ANXA4: variants seen among roughly 807,000 people sequenced by gnomAD.
ANXA4 encodes 35-beta calcimedin.
A neutral mutation model predicts 49.8 loss-of-function variants in ANXA4; 39 were observed. That is an observed-to-expected ratio of 0.78 (90% confidence interval 0.61 to 1.02). The LOEUF (loss-of-function observed/expected upper bound fraction) is 1.02, where lower values mean the gene tolerates loss of function less well. Among genes scored for constraint, ANXA4 ranks in the 50% least tolerant of loss-of-function variants. ANXA4 has a pLI of 0.00. For synonymous variants in ANXA4, 134 were observed against 152.5 expected (o/e 0.88, Z 0.89); for missense variants, 360 against 410.1 (o/e 0.88, Z 1.05).
chr2:69,694,315 CA>C lies in ANXA4; in HGVS notation n.767-26458del, dbSNP rs202212726. Reference sequence around the variant, plus strand: ...CAGAAAGTAAGCCCTCACCAGATACCACATCCGTTGGTGCCTTGACTTTGAT... The same window carrying C: ...CAGAAAGTAAGCCCTCACCAGATACCCATCCGTTGGTGCCTTGACTTTGAT... On this transcript the variant is annotated intron_variant and non_coding_transcript_variant, in intron 2 of 3. Coordinates refer to the ANXA4 transcript ENST00000418066. Among the ~76,000 whole-genome samples the C allele has an allele frequency of 6.4e-3, 964 of 151,586 alleles. 10 individuals are homozygous for C. Among genetic ancestry groups the C allele is most frequent in the African/African-American group, 0.022 (921 of 41,352 alleles).
chr2:69,702,477 C>T (rs1175998055), intron 2 of ANXA4, among the ~76,000 whole-genome samples: 3 of 152,062 alleles, frequency 2.0e-5, no homozygotes, highest in Non-Finnish European at 4.4e-5. Context: ...AATCCCAGCA[C>T]TTGGGAGGCG....
intron 2 of ANXA4, among the ~76,000 whole-genome samples, chr2:69,701,604 A>G (rs889108322): frequency 1.3e-5 from 2 of 152,198 alleles, no homozygotes; most frequent in Admixed American, 6.5e-5. Flanking sequence ...AAATTTGCAG[A>G]CAGATATGCT....
intron 7 of ANXA4, among the ~76,000 whole-genome samples, chr2:69,812,334 G>C (rs1184778990): frequency 2.6e-5 from 4 of 152,056 alleles, no homozygotes; most frequent in African/African-American, 9.7e-5. Context: ...TGAGTCAGCT[G>C]GGAAGACACA....
chr2:69,651,879 G>A (rs1169562844), intron 1 of ANXA4, among the ~76,000 whole-genome samples: 1 of 139,500 alleles, frequency 7.2e-6, no homozygotes, highest in Non-Finnish European at 1.5e-5. Flanking sequence ...GCAGTGGCGT[G>A]ATCTCAGCTC....
intron 1 of ANXA4, among the ~76,000 whole-genome samples, chr2:69,749,113 C>A (rs563750849): frequency 7.2e-5 from 11 of 152,166 alleles, no homozygotes; most frequent in East Asian, 1.9e-4. Context: ...GAAGAACATA[C>A]AATGGCCCGG....
chr2:69,765,642 G>A (rs749619726), intron 1 of ANXA4, among the ~76,000 whole-genome samples: 1 of 152,108 alleles, frequency 6.6e-6, no homozygotes, highest in Non-Finnish European at 1.5e-5. Context: ...GTTCGTTCTA[G>A]CGTTTCATGT....
intron 9 of ANXA4, chr2:69,816,850 A>G (rs1674015605): frequency 6.6e-6 from 1 of 152,230 alleles, no homozygotes; most frequent in African/African-American, 2.4e-5. Context: ...GTACATTATA[A>G]TTTTATAAAC....
chr2:69,809,143 ATGT>A (rs1257532693), intron 6 of ANXA4: 1 of 152,204 alleles, frequency 6.6e-6, no homozygotes, highest in East Asian at 1.9e-4. Flanking sequence ...ATTTACAGAA[ATGT>A]TGTCAATGAT....
intron 1 of ANXA4, among the ~76,000 whole-genome samples, chr2:69,777,903 T>A (rs1398119961): frequency 6.6e-6 from 1 of 152,196 alleles, no homozygotes; most frequent in Non-Finnish European, 1.5e-5. Flanking sequence ...AAGGGCCAGA[T>A]AATAAATATT....
At chr2:69,793,152 T>G (rs929441741) in intron 3 of ANXA4, among the ~76,000 whole-genome samples, 14 of 150,478 alleles carry the variant, frequency 9.3e-5, no homozygotes, top group African/African-American at 2.9e-4. Context: ...CTCAGGAGGC[T>G]GAGACAGGAG....
At chr2:69,788,664 C>T (rs1482868430) in intron 3 of ANXA4, among the ~76,000 whole-genome samples, 4 of 151,792 alleles carry the variant, frequency 2.6e-5, no homozygotes, top group Admixed American at 6.6e-5. Context: ...GGTGAAACCC[C>T]GTCTCTACTA....
chr2:69,684,818 A>AT (rs1346209787), intron 2 of ANXA4, among the ~76,000 whole-genome samples: 5 of 152,182 alleles, frequency 3.3e-5, no homozygotes, highest in African/African-American at 1.2e-4. Flanking sequence ...GGACAAGGAC[A>AT]TTTTTTCTCC....
intron 3 of ANXA4, among the ~76,000 whole-genome samples, chr2:69,798,637 C>T (rs553709678): frequency 6.6e-6 from 1 of 152,258 alleles, no homozygotes; most frequent in African/African-American, 2.4e-5. Context: ...CCCCAGCAAG[C>T]CTCACATCTG....
chr2:69,775,594 T>A (rs1410968802), intron 1 of ANXA4, among the ~76,000 whole-genome samples: 2 of 152,202 alleles, frequency 1.3e-5, no homozygotes, highest in East Asian at 3.8e-4. Context: ...AGAAACAGAC[T>A]GCTATCGGAG....
intron 1 of ANXA4, among the ~76,000 whole-genome samples, chr2:69,649,924 ATTTTTTTTTTTTTTTT>A (rs35212855): frequency 9.6e-5 from 5 of 52,014 alleles, no homozygotes; most frequent in African/African-American, 3.1e-4. Flanking sequence ...GCCTGGCCTG[ATTTTTTTTTTTTTTTT>A]TTTTTTTTTT....
chr2:69,757,938 G>A (rs561115726), intron 1 of ANXA4, among the ~76,000 whole-genome samples: 8 of 146,074 alleles, frequency 5.5e-5, no homozygotes, highest in African/African-American at 1.8e-4. Context: ...CAGCCTGGGC[G>A]GCTGAATGAG....
At chr2:69,699,503 C>A (rs115497487) in intron 2 of ANXA4, among the ~76,000 whole-genome samples, 1 of 151,732 alleles carries the variant, frequency 6.6e-6, no homozygotes. Flanking sequence ...ATAAGCCAGG[C>A]GTGGTGGTGT....
chr2:69,728,444 C>G (rs935280907), intron 3 of ANXA4, among the ~76,000 whole-genome samples: 2 of 152,154 alleles, frequency 1.3e-5, no homozygotes, highest in African/African-American at 4.8e-5. Context: ...TTTAAGAAAT[C>G]AAACCTTCAC....
chr2:69,800,960 G>C (rs1259612814), intron 3 of ANXA4, among the ~76,000 whole-genome samples: 1 of 152,202 alleles, frequency 6.6e-6, no homozygotes, highest in Non-Finnish European at 1.5e-5. Context: ...GAAATGCAGA[G>C]GGGTTTATAG....
Sources: allele counts gnomAD v4.1 joint callset (sites outside exome capture counted in the v4.1 genomes callset), GRCh38; gene constraint gnomAD v4.1.1; transcripts MANE v1.5; gene names NCBI Gene and HGNC (gene_info 2026-07-23, HGNC 2026-07-21).